The following DLG2 variants were observed in gnomAD, a reference collection of about 807,000 sequenced individuals.
DLG2 encodes the protein disks large homolog 2.
Under a neutral mutation model 132.5 loss-of-function variants are expected in DLG2, and 45 were observed. The ratio of observed to expected loss-of-function variants is 0.34; its 90% CI spans 0.27 to 0.44. The LOEUF is 0.44. Among genes scored for constraint, DLG2 ranks in the 20% least tolerant of loss-of-function variants. DLG2 has a pLI of 1.00. For missense variants in DLG2, 1,045 were observed against 1,196.9 expected, an observed-to-expected ratio of 0.87 and a Z score of 1.87; for synonymous variants, 424 against 419.6, an observed-to-expected ratio of 1.01 and a Z score of -0.13.
chr11:84,133,974 T>C (rs941092560), intron 9 of DLG2, among the ~76,000 whole-genome samples: 6 of 152,096 alleles, frequency 3.9e-5, no homozygotes, highest in African/African-American at 1.4e-4. Flanking sequence ...GTCAACCTTA[T>C]CTAGCTCTAA....
At chr11:84,201,615 C>T (rs1164118950) in intron 8 of DLG2, among the ~76,000 whole-genome samples, 3 of 146,590 alleles carry the variant, frequency 2.0e-5, no homozygotes, top group African/African-American at 7.6e-5. Context: ...CTATTTATTA[C>T]TGCCTCAATT....
intron 15 of DLG2, among the ~76,000 whole-genome samples, chr11:83,916,507 G>A (rs2154116664): frequency 6.6e-6 from 1 of 151,950 alleles, no homozygotes; most frequent in Admixed American, 6.6e-5. Flanking sequence ...GTAGAGATGG[G>A]GTTTCACCAT....
At chr11:83,543,783 T>G (rs1311478586) in intron 19 of DLG2, among the ~76,000 whole-genome samples, 2 of 152,138 alleles carry the variant, frequency 1.3e-5, no homozygotes, top group African/African-American at 2.4e-5. Context: ...ATACAAATCT[T>G]TTCTATAGAT....
intron 4 of DLG2, among the ~76,000 whole-genome samples, chr11:85,176,571 A>G (rs2079262494): frequency 6.6e-6 from 1 of 152,200 alleles, no homozygotes; most frequent in African/African-American, 2.4e-5. Context: ...TTCATAATAA[A>G]AATGCCAAAA....
intron 19 of DLG2, among the ~76,000 whole-genome samples, chr11:83,602,519 G>A (rs1190067333): frequency 6.6e-6 from 1 of 152,216 alleles, no homozygotes; most frequent in African/African-American, 2.4e-5. Flanking sequence ...CTCTAACACT[G>A]CCTCCCTGCA....
At chr11:84,253,613 C>T (rs1415204947) in intron 7 of DLG2, among the ~76,000 whole-genome samples, 1 of 152,086 alleles carries the variant, frequency 6.6e-6, no homozygotes, top group Admixed American at 6.5e-5. Context: ...TCTAAAACAG[C>T]TCATGTCAAA....
At chr11:85,004,458 C>G (rs2058468068) in intron 6 of DLG2, among the ~76,000 whole-genome samples, 1 of 152,174 alleles carries the variant, frequency 6.6e-6, no homozygotes, top group Non-Finnish European at 1.5e-5. Flanking sequence ...ATTTGCATTT[C>G]TCTAATGGCC....
intron 6 of DLG2, among the ~76,000 whole-genome samples, chr11:84,902,669 C>G (rs2091032878): frequency 6.6e-6 from 1 of 152,124 alleles, no homozygotes; most frequent in African/African-American, 2.4e-5. Flanking sequence ...ATGTCTATTT[C>G]CAGCTTGCTA....
chr11:83,828,345 A>G (rs1040287167), intron 17 of DLG2, among the ~76,000 whole-genome samples: 1 of 152,182 alleles, frequency 6.6e-6, no homozygotes, highest in Admixed American at 6.5e-5. Flanking sequence ...GTGAGCCGAG[A>G]TCACGCCACT....
chr11:84,758,528 T>A (rs2067188791), intron 6 of DLG2, among the ~76,000 whole-genome samples: 1 of 152,210 alleles, frequency 6.6e-6, no homozygotes, highest in Non-Finnish European at 1.5e-5. Context: ...CTCATTGTTT[T>A]ACTCTTCTGA....
At chr11:84,988,199 C>T (rs2056711587) in intron 6 of DLG2, among the ~76,000 whole-genome samples, 1 of 152,154 alleles carries the variant, frequency 6.6e-6, no homozygotes, top group African/African-American at 2.4e-5. Flanking sequence ...TTGATACCAC[C>T]TTACTCCTGC....
chr11:83,885,743 G>T (rs7105580), intron 15 of DLG2, among the ~76,000 whole-genome samples: 7 of 152,154 alleles, frequency 4.6e-5, no homozygotes, highest in African/African-American at 1.2e-4. Flanking sequence ...GACTAACAGC[G>T]GATCTCTTGG....
At chr11:84,805,797 A>T (rs1013364720) in intron 6 of DLG2, among the ~76,000 whole-genome samples, 3 of 151,592 alleles carry the variant, frequency 2.0e-5, no homozygotes, top group Admixed American at 6.6e-5. Flanking sequence ...ACATTCAAAC[A>T]TTTTTTTTTA....
At chr11:84,284,430 T>TC (rs1227555976) in intron 7 of DLG2, among the ~76,000 whole-genome samples, 13 of 152,228 alleles carry the variant, frequency 8.5e-5, no homozygotes, top group African/African-American at 3.1e-4. Flanking sequence ...CAGTCATGTC[T>TC]CAAACCTGCT....
chr11:84,593,784 C>G (rs190594493), intron 6 of DLG2, among the ~76,000 whole-genome samples: 1 of 151,974 alleles, frequency 6.6e-6, no homozygotes, highest in East Asian at 1.9e-4. Flanking sequence ...TATCCCAGAA[C>G]TTAAAGTATT....
intron 6 of DLG2, among the ~76,000 whole-genome samples, chr11:85,013,619 G>A (rs1381910778): frequency 1.3e-5 from 2 of 152,008 alleles, no homozygotes; most frequent in Admixed American, 6.6e-5. Flanking sequence ...TAAATAACAG[G>A]CACAAGTAAA....
intron 6 of DLG2, among the ~76,000 whole-genome samples, chr11:84,675,653 C>G (rs1361357200): frequency 6.6e-6 from 1 of 151,960 alleles, no homozygotes; most frequent in Non-Finnish European, 1.5e-5. Context: ...CTAGCAACTG[C>G]CTACACCCTA....
chr11:83,683,970 T>C (rs1212345630), intron 18 of DLG2, among the ~76,000 whole-genome samples: 1 of 151,998 alleles, frequency 6.6e-6, no homozygotes, highest in African/African-American at 2.4e-5. Context: ...TCAAATAAAT[T>C]CATCAGCCCA....
chr11:85,027,337 G>A (rs1465618780), intron 6 of DLG2, among the ~76,000 whole-genome samples: 1 of 151,796 alleles, frequency 6.6e-6, no homozygotes, highest in African/African-American at 2.4e-5. Flanking sequence ...GATTTTTTTT[G>A]TTTCCCTTTT....
Sources: allele counts gnomAD v4.1 joint callset (sites outside exome capture counted in the v4.1 genomes callset), GRCh38; gene constraint gnomAD v4.1.1; transcripts MANE v1.5; gene names NCBI Gene and HGNC (gene_info 2026-07-23, HGNC 2026-07-21).